Variants in SLIT3 observed in about 807,000 individuals in gnomAD.
SLIT3 encodes the protein slit guidance ligand 3.
A neutral mutation model predicts 184.0 loss-of-function variants in SLIT3; 68 were observed. That is an observed-to-expected ratio of 0.37 (90% CI 0.30 to 0.45). SLIT3 has a LOEUF of 0.45. Ranked by LOEUF, SLIT3 falls within the 20% of genes least tolerant of loss-of-function variation. The pLI is 1.00. For synonymous variants in SLIT3, 831 were observed against 828.6 expected, an observed-to-expected ratio of 1.00 and a Z score of -0.05; for missense variants, 1,707 against 2,026.0, an observed-to-expected ratio of 0.84 and a Z score of 3.02.
At chr5:169,143,319 T>C (rs1581453961) in intron 4 of SLIT3, among the ~76,000 whole-genome samples, 1 of 152,220 alleles carries the variant, frequency 6.6e-6, no homozygotes, top group Non-Finnish European at 1.5e-5. Context: ...CACCAATAGA[T>C]AGACAGTCTC....
At chr5:169,110,451 G>A (rs1760370933) in intron 4 of SLIT3, among the ~76,000 whole-genome samples, 1 of 152,096 alleles carries the variant, frequency 6.6e-6, no homozygotes, top group Admixed American at 6.5e-5. Context: ...GTCTGTTGCA[G>A]GCCTCTCTCC....
intron 3 of SLIT3, among the ~76,000 whole-genome samples, chr5:169,209,472 C>A (rs1764183676): frequency 6.6e-6 from 1 of 152,118 alleles, no homozygotes; most frequent in Non-Finnish European, 1.5e-5. Context: ...ATAAATCATT[C>A]AACTATAAAG....
At chr5:168,917,360 T>C (rs569184617) in intron 4 of SLIT3, among the ~76,000 whole-genome samples, 16 of 152,324 alleles carry the variant, frequency 1.1e-4, no homozygotes, top group Admixed American at 2.0e-4. Context: ...CTGGGCATTG[T>C]GTCTCAGCCC....
At chr5:168,836,306 C>T (rs916868345) in intron 6 of SLIT3, among the ~76,000 whole-genome samples, 2 of 152,188 alleles carry the variant, frequency 1.3e-5, no homozygotes, top group African/African-American at 4.8e-5. Context: ...GGGATGAGCG[C>T]TGATCTAGAG....
At chr5:169,119,713 G>A (rs1016729585) in intron 4 of SLIT3, among the ~76,000 whole-genome samples, 3 of 145,488 alleles carry the variant, frequency 2.1e-5, no homozygotes, top group South Asian at 2.1e-4. Context: ...ACTGTGGCAC[G>A]CTGCCTCTGT....
chr5:169,122,755 G>A (rs1488996778), intron 4 of SLIT3, among the ~76,000 whole-genome samples: 2 of 152,276 alleles, frequency 1.3e-5, no homozygotes, highest in East Asian at 3.9e-4. Flanking sequence ...ATTGGTCAAT[G>A]TCTATGACCG....
At chr5:169,187,403 G>A (rs531074651) in intron 4 of SLIT3, among the ~76,000 whole-genome samples, 4 of 151,994 alleles carry the variant, frequency 2.6e-5, no homozygotes, top group South Asian at 4.2e-4. Context: ...GAGCCACCGC[G>A]GCCGGCAGCA....
intron 12 of SLIT3, among the ~76,000 whole-genome samples, chr5:168,776,664 C>T (rs925680911): frequency 7.9e-5 from 12 of 152,132 alleles, no homozygotes; most frequent in African/African-American, 2.9e-4. Flanking sequence ...ACATCCCTCC[C>T]CCCTGCAAAT....
At position 168,710,935 on chromosome 5, in the gene SLIT3, C is replaced by T; in HGVS notation, c.2679G>A (p.Arg893=). The change falls in exon 25 of 36, where the codon AGG becomes AGA. Residue 893 remains arginine (R), a synonymous_variant. Transcript: ENST00000519560. The stretch of plus-strand genomic sequence containing the variant: ...GGTGGGTTGGGGTGGTGAGCAGGAG[C>T]CTGTCAGCCATGGGCTCAGGGCTAC... The part of the protein sequence containing the change: ...RCSSPEPMAD[R]LLLTTPTHRF... The T allele has an allele frequency of 6.4e-7, 1 of 1,562,966 alleles. No homozygotes were observed. Among genetic ancestry groups the T allele is most frequent in the East Asian group, 2.3e-5 (1 of 42,784 alleles).
intron 4 of SLIT3, among the ~76,000 whole-genome samples, chr5:168,996,699 T>C (rs1322391294): frequency 6.6e-6 from 1 of 152,216 alleles, no homozygotes; most frequent in African/African-American, 2.4e-5. Flanking sequence ...TACATGGTCA[T>C]GTCCCTCTGG....
At chr5:169,137,682 G>A (rs775924838) in intron 4 of SLIT3, among the ~76,000 whole-genome samples, 7 of 151,904 alleles carry the variant, frequency 4.6e-5, no homozygotes, top group Admixed American at 1.3e-4. Context: ...GCCACATAGC[G>A]CCACAGAGAC....
rs745668251 is a variant in SLIT3, at chr5:168,774,259, G to A, written c.1271C>T (p.Ala424Val). ...CAGTGTCTGGATGGACTGCAGAGGG[G>A]CGAAGAGCCCCTTGCTGATGGTCTG... is the stretch of plus-strand genomic sequence containing the variant. ...KLQTISKGLFAPLQSIQTLHL... is the reference protein window; with the variant it reads ...KLQTISKGLFVPLQSIQTLHL... Residue 424 changes from alanine to valine, a missense_variant, in exon 13 of 36, where the codon GCC (alanine) becomes GTC (valine). This residue lies in a region of SLIT3 where 1,307 missense variants were observed against 1,511.6 expected (regional missense o/e 0.86). Coordinates refer to ENST00000519560, the MANE Select transcript of SLIT3 (RefSeq NM_003062.4). 2.6e-5 allele frequency: 42 copies of A among 1,613,478 alleles called. No homozygotes were observed. Among genetic ancestry groups the A allele is most frequent in the Non-Finnish European group, 3.4e-5 (40 of 1,179,762 alleles).
intron 4 of SLIT3, among the ~76,000 whole-genome samples, chr5:168,884,834 T>C (rs1415812971): frequency 1.3e-5 from 2 of 152,084 alleles, no homozygotes; most frequent in African/African-American, 2.4e-5. Flanking sequence ...CTTGTCTAAC[T>C]ATCTCCTTGG....
chr5:169,116,675 C>G (rs931243260), intron 4 of SLIT3, among the ~76,000 whole-genome samples: 13 of 152,196 alleles, frequency 8.5e-5, no homozygotes, highest in African/African-American at 3.1e-4. Context: ...ATGTTTCCTT[C>G]TACCACAAGT....
chr5:169,145,655 A>C (rs1490157717), intron 4 of SLIT3, among the ~76,000 whole-genome samples: 1 of 152,252 alleles, frequency 6.6e-6, no homozygotes, highest in Non-Finnish European at 1.5e-5. Context: ...ATACTCATAC[A>C]TGCAGAGTAA....
In SLIT3 at chr5:168,707,804, G is replaced by C; in HGVS notation, c.2844+172C>G. The stretch of plus-strand genomic sequence containing the variant: ...CTGACTGGCAGCTCCCGCTAGTTCA[G>C]AGAACAGTGTTACTGGCAAATGCTG... On this transcript the variant is annotated intron_variant, in intron 26 of 35. Transcript: ENST00000519560. 4.3e-6 allele frequency: 3 copies of C among 699,062 alleles called. No individual in the cohort carries two copies. In the South Asian group the frequency reaches 6.1e-5, roughly 14 times the overall value. The allele number at this position is 699,062 out of a possible 1,614,324, so 43.3% of individuals were successfully genotyped here.
At chr5:168,782,148 C>T (rs529193438) in intron 12 of SLIT3, among the ~76,000 whole-genome samples, 2 of 152,110 alleles carry the variant, frequency 1.3e-5, no homozygotes, top group Non-Finnish European at 1.5e-5. Context: ...TGGCAAACTC[C>T]GAGAGCCTCA....
At chr5:168,755,161 G>A (rs533171119) in intron 16 of SLIT3, among the ~76,000 whole-genome samples, 1 of 152,140 alleles carries the variant, frequency 6.6e-6, no homozygotes, top group African/African-American at 2.4e-5. Flanking sequence ...TACGGATGAT[G>A]GGACTGAGGT....
At chr5:169,262,160 G>A (rs992259656) in intron 1 of SLIT3, among the ~76,000 whole-genome samples, 5 of 152,198 alleles carry the variant, frequency 3.3e-5, no homozygotes, top group African/African-American at 1.2e-4. Flanking sequence ...GGTGCTGAAT[G>A]CCTGTTGTTT....
Sources: allele counts gnomAD v4.1 joint callset (sites outside exome capture counted in the v4.1 genomes callset), GRCh38; gene constraint gnomAD v4.1.1; regional missense constraint gnomAD v4.1.1; transcripts MANE v1.5; gene names NCBI Gene and HGNC (gene_info 2026-07-23, HGNC 2026-07-21).